Variants in FAM135A observed in about 807,000 individuals in gnomAD.
The protein encoded by FAM135A is protein FAM135A.
In FAM135A, 79 loss-of-function variants were observed where a neutral mutation model predicts 146.8. That is an observed-to-expected ratio of 0.54 (90% confidence interval 0.45 to 0.65). The LOEUF (loss-of-function observed/expected upper bound fraction) is 0.65. FAM135A is among the 30% of genes least tolerant of loss of function. The pLI is 0.00. For synonymous variants in FAM135A, 562 were observed against 603.6 expected (o/e 0.93, Z 1.01); for missense variants, 1,623 against 1,758.2 (o/e 0.92, Z 1.38).
In FAM135A at chr6:70,528,384, T is replaced by A. The variant is rs1795129442; in HGVS notation, c.3707T>A (p.Phe1236Tyr). 1 of 1,613,582 alleles carries A rather than the reference T, an allele frequency of 6.2e-7. No individual in the cohort carries two copies. The highest frequency in any genetic ancestry group is 1.1e-5 in the South Asian group (1 of 91,010). The change falls in exon 16 of 22, where the codon TTT becomes TAT. Residue 1236 changes from phenylalanine to tyrosine, a missense_variant. Around this residue, in one of 7 missense-constraint regions of FAM135A, gnomAD observed 1,061 missense variants for 1,113.8 expected, o/e 0.95. Transcript: ENST00000418814. ...CTGCTGGCATCCTCAGTACCTTATTTTAGTGTAGAAGAAGAGGATGGTTCT... is the reference window on the plus strand; with the variant it reads ...CTGCTGGCATCCTCAGTACCTTATTATAGTGTAGAAGAAGAGGATGGTTCT... Reference protein sequence around the residue: ...VPLLASSVPYFSVEEEDGSED... With the variant: ...VPLLASSVPYYSVEEEDGSED...
chr6:70,529,448 A>C (rs906940841), intron 16 of FAM135A, among the ~76,000 whole-genome samples: 3 of 151,362 alleles, frequency 2.0e-5, no homozygotes, highest in Admixed American at 2.0e-4. Context: ...TAAAAAAAAA[A>C]AAAAAACCAG....
At chr6:70,488,385 C>T (rs1785137760) in intron 10 of FAM135A, among the ~76,000 whole-genome samples, 1 of 151,888 alleles carries the variant, frequency 6.6e-6, no homozygotes, top group African/African-American at 2.4e-5. Flanking sequence ...GACTCCAAAA[C>T]TCATATGTGT....
At position 70,560,925 on chromosome 6, in the gene FAM135A, A is replaced by C. The variant is rs1801782235; in HGVS notation, c.*1004A>C. On this transcript the variant is annotated 3_prime_UTR_variant, in exon 22 of 22. Transcript: ENST00000418814. ...AGATGCAAATGTTTTTGATATATGG[A>C]GATGTTGAGTCTTTTGACTTTACTA... is the stretch of plus-strand genomic sequence containing the variant. The C allele has an allele frequency of 6.6e-6, 1 of 152,584 alleles. No homozygotes were observed. The highest frequency in any genetic ancestry group is 1.5e-5 in the Non-Finnish European group (1 of 67,990). The allele number at this position is 152,584 out of a possible 1,614,324, so 9.5% of individuals were successfully genotyped here. A position where few individuals can be genotyped will look rare whatever the true frequency, so the allele number is the denominator to read the frequency against.
intron 2 of FAM135A, among the ~76,000 whole-genome samples, chr6:70,425,558 G>A (rs1769882430): frequency 6.6e-6 from 1 of 152,150 alleles, no homozygotes; most frequent in African/African-American, 2.4e-5. Flanking sequence ...AAGAGTGAAC[G>A]TGGTCTTTAT....
chr6:70,454,977 T>G (rs905932814), intron 5 of FAM135A, among the ~76,000 whole-genome samples: 9 of 152,246 alleles, frequency 5.9e-5, no homozygotes, highest in East Asian at 3.9e-4. Flanking sequence ...AAAGTCATTG[T>G]TAGCTTGATG....
rs1274238364 is a variant in FAM135A at position 70,475,552 on chromosome 6, A to G, written c.297+3A>G. The G allele has an allele frequency of 6.3e-7, 1 of 1,585,978 alleles. No individual in the cohort carries two copies. The highest frequency in any genetic ancestry group is 1.4e-5 in the African/African-American group (1 of 73,494). ...AAATGCTATTGGATGAAAGAAAGGT[A>G]AACATCTCTTCATATTTATTTATGT... On this transcript the variant is annotated splice_donor_region_variant and intron_variant, in intron 6 of 21. Transcript: ENST00000418814.
intron 4 of FAM135A, among the ~76,000 whole-genome samples, chr6:70,436,610 C>A (rs55990553): frequency 0.2 from 30,706 of 151,396 alleles, 3,404 homozygotes; most frequent in African/African-American, 0.29. Context: ...TTGATGTTGG[C>A]GATATGAAAA....
chr6:70,426,263 T>C (rs1157285848), intron 2 of FAM135A, among the ~76,000 whole-genome samples, 176 bp from the exon 3 acceptor site: 3 of 151,230 alleles, frequency 2.0e-5, no homozygotes, highest in African/African-American at 7.4e-5. Flanking sequence ...ATAGTTAATA[T>C]TGATATTGAA....
chr6:70,543,058 A>G (rs547111930), intron 20 of FAM135A, among the ~76,000 whole-genome samples: 1 of 152,306 alleles, frequency 6.6e-6, no homozygotes, highest in African/African-American at 2.4e-5. Context: ...CCACATACAT[A>G]TTCAGTATGT....
chr6:70,498,864 T>C (rs188545739), intron 11 of FAM135A, among the ~76,000 whole-genome samples: 1 of 152,338 alleles, frequency 6.6e-6, no homozygotes, highest in Admixed American at 6.5e-5. Flanking sequence ...TTTCCATTCT[T>C]TTGCATTTGC....
At chr6:70,439,648 T>A (rs892738064) in intron 4 of FAM135A, among the ~76,000 whole-genome samples, 1 of 152,232 alleles carries the variant, frequency 6.6e-6, no homozygotes, top group Admixed American at 6.5e-5. Flanking sequence ...ATATTTTGTA[T>A]TTTCTATGTC....
At chr6:70,439,666 C>T (rs1326279827) in intron 4 of FAM135A, among the ~76,000 whole-genome samples, 1 of 152,134 alleles carries the variant, frequency 6.6e-6, no homozygotes, top group Non-Finnish European at 1.5e-5. Context: ...GTCCGCTCTT[C>T]ATTTGCTCTC....
At chr6:70,534,206 A>G (rs1452204910) in intron 18 of FAM135A, among the ~76,000 whole-genome samples, 1 of 151,632 alleles carries the variant, frequency 6.6e-6, no homozygotes, top group Non-Finnish European at 1.5e-5. Context: ...TGAATTGTAC[A>G]CTTTAAGTGG....
chr6:70,447,926 A>G (rs1263995005), intron 4 of FAM135A, among the ~76,000 whole-genome samples: 3 of 152,000 alleles, frequency 2.0e-5, no homozygotes, highest in Admixed American at 1.3e-4. Context: ...TATGCAGATT[A>G]CCTCCGATAC....
At chr6:70,485,227 TC>T (rs1784395170) in intron 10 of FAM135A, among the ~76,000 whole-genome samples, 1 of 152,122 alleles carries the variant, frequency 6.6e-6, no homozygotes, top group Non-Finnish European at 1.5e-5. Context: ...AGTATAGGCA[TC>T]AACATAAAGC....
At chr6:70,519,715 A>G (rs541790796) in intron 12 of FAM135A, among the ~76,000 whole-genome samples, 5 of 152,234 alleles carry the variant, frequency 3.3e-5, no homozygotes, top group African/African-American at 1.2e-4. Flanking sequence ...TTTTTTAAAA[A>G]AGGTATAATG....
intron 2 of FAM135A, among the ~76,000 whole-genome samples, chr6:70,416,004 G>A (rs1206728735): frequency 3.3e-5 from 5 of 150,964 alleles, no homozygotes; most frequent in Admixed American, 6.6e-5. Context: ...GAGTATAATT[G>A]ACTGCTTAAA....
rs745602933 is a variant in FAM135A at position 70,525,864 on chromosome 6, A to T, written c.2780A>T (p.Asp927Val). ...IKDPLQFVFS[D>V]EETSSDVKSS... is the part of the protein sequence containing the mutation. ...GACCCTTTACAATTTGTTTTTTCAG[A>T]TGAAGAGACTTCCAGTGATGTGAAA... The change falls in exon 15 of 22, where the codon GAT (aspartate) becomes GTT (valine). Residue 927 changes from aspartate (D) to valine (V), a missense_variant. Asp to Val is a radical substitution (Grantham distance 152). Around this residue, in one of 7 missense-constraint regions of FAM135A, gnomAD observed 1,061 missense variants for 1,113.8 expected, o/e 0.95. Transcript: ENST00000418814. 2 of 1,611,970 alleles carry T rather than the reference A, an allele frequency of 1.2e-6. No individual in the cohort carries two copies. The highest frequency in any genetic ancestry group is 4.5e-5 in the East Asian group (2 of 44,848).
chr6:70,454,590 T>C (rs1050019483), intron 5 of FAM135A, among the ~76,000 whole-genome samples: 10 of 152,154 alleles, frequency 6.6e-5, no homozygotes, highest in African/African-American at 2.4e-4. Flanking sequence ...TCATATAAGG[T>C]GTAAGGAAGG....
Sources: gnomAD v4.1 joint callset for allele counts (sites outside exome capture counted in the v4.1 genomes callset) on GRCh38, gnomAD v4.1.1 for gene constraint, gnomAD v4.1.1 regional missense constraint, MANE v1.5 for transcripts, NCBI Gene and HGNC (gene_info 2026-07-23, HGNC 2026-07-21) for gene names.